The following CCL28 variants were observed in gnomAD, a reference collection of about 807,000 sequenced individuals.
The protein encoded by CCL28 is C-C motif chemokine ligand 28.
A neutral mutation model predicts 7.1 loss-of-function variants in CCL28; 4 were observed. The ratio of observed to expected loss-of-function variants is 0.56; its 90% CI spans 0.28 to 1.29. The LOEUF (loss-of-function observed/expected upper bound fraction) is 1.29. Ranked by LOEUF, CCL28 falls within the 50% of genes most tolerant of loss-of-function variation. The pLI, the probability that CCL28 is intolerant of heterozygous loss-of-function variation, is 0.11. For synonymous variants in CCL28, 55 were observed against 57.8 expected (o/e 0.95, Z 0.22); for missense variants, 151 against 163.4 (o/e 0.92, Z 0.41).
At chr5:43,400,383 A>G (rs1740979907) in intron 1 of CCL28, among the ~76,000 whole-genome samples, 1 of 151,598 alleles carries the variant, frequency 6.6e-6, no homozygotes, top group African/African-American at 2.4e-5. Flanking sequence ...GTGGGGTCTC[A>G]CTCTATTGCT....
At chr5:43,395,529 T>C (rs1253401614) in intron 1 of CCL28, among the ~76,000 whole-genome samples, 2 of 151,970 alleles carry the variant, frequency 1.3e-5, no homozygotes, top group Admixed American at 1.3e-4. Context: ...ATTTAAAAGA[T>C]TAGCCAGGCG....
chr5:43,364,331 ATG>A, the CCL28 span, among the ~76,000 whole-genome samples: 5 of 151,644 alleles, frequency 3.3e-5, no homozygotes, highest in African/African-American at 1.2e-4. Flanking sequence ...GTACATGTAC[ATG>A]TGTGTGTATG....
In CCL28 at chr5:43,380,949, G is replaced by T. The variant is rs150955411; in HGVS notation, c.*911C>A. ...GAGTGAAAAAAAAACTACATAAAAT[G>T]CTCTCTAAATAGTTGGGAAAATTTG... On this transcript the variant is annotated 3_prime_UTR_variant, in exon 3 of 3. Transcript: ENST00000361115. 2 of 151,800 alleles carry T rather than the reference G, an allele frequency of 1.3e-5. No individual in the cohort carries two copies. 9.4% of individuals were successfully genotyped at this position (151,800 alleles called of 1,614,324 possible).
the CCL28 span, among the ~76,000 whole-genome samples, chr5:43,360,975 C>G: frequency 6.6e-6 from 1 of 152,084 alleles, no homozygotes. Context: ...CTCATGCTCT[C>G]CCTCCCCTGG....
the CCL28 span, among the ~76,000 whole-genome samples, chr5:43,371,281 G>C: frequency 6.6e-6 from 1 of 152,032 alleles, no homozygotes; most frequent in Non-Finnish European, 1.5e-5. Context: ...TAGTTTCACC[G>C]GTTTTTGTAC....
In CCL28 at chr5:43,405,200, T is replaced by G. The variant is rs149307311; in HGVS notation, c.64+7053A>C. Among the ~76,000 whole-genome samples, 66 of 152,328 alleles carry G rather than the reference T, an allele frequency of 4.3e-4. 1 individual carries two copies. Among genetic ancestry groups the G allele is most frequent in the African/African-American group, 1.3e-3 (56 of 41,580 alleles). ...CTCTCCACCCCAAATCAACAGAATA[T>G]ACGTTCTTCTTAGCATCACATTGCA... On this transcript the variant is annotated intron_variant, in intron 1 of 2. Transcript: ENST00000361115.
chr5:43,362,741 C>G, the CCL28 span, among the ~76,000 whole-genome samples: 3 of 152,246 alleles, frequency 2.0e-5, no homozygotes, highest in South Asian at 4.1e-4. Context: ...TTTTAACATT[C>G]GATTTGGAGA....
At chr5:43,376,825 G>C (rs1397360468), downstream of CCL28, 1 of 152,212 alleles carries the variant, frequency 6.6e-6, no homozygotes, top group Non-Finnish European at 1.5e-5. Flanking sequence ...ATTCTTTGAT[G>C]ATTTAGCTTC....
intron 2 of CCL28, among the ~76,000 whole-genome samples, chr5:43,384,418 G>C (rs766561120): frequency 1.4e-4 from 21 of 152,330 alleles, no homozygotes; most frequent in Middle Eastern, 3.4e-3. Context: ...TGATGTTTTA[G>C]AATCCTAAAG....
At chr5:43,359,793 T>A in the CCL28 span, among the ~76,000 whole-genome samples, 1 of 152,222 alleles carries the variant, frequency 6.6e-6, no homozygotes, top group Admixed American at 6.5e-5. Context: ...TGAGATTTTT[T>A]TCAGACTTTT....
chr5:43,367,841 GTTTTA>G, the CCL28 span, among the ~76,000 whole-genome samples: 1 of 152,234 alleles, frequency 6.6e-6, no homozygotes, highest in Non-Finnish European at 1.5e-5. Flanking sequence ...ACCAATGTAT[GTTTTA>G]TATAGGAATT....
the CCL28 span, among the ~76,000 whole-genome samples, chr5:43,368,041 C>T: frequency 6.6e-6 from 1 of 152,170 alleles, no homozygotes; most frequent in Non-Finnish European, 1.5e-5. Context: ...CAGGCTTTAA[C>T]ACCAGACAGA....
At position 43,395,855 on chromosome 5, in the gene CCL28, C is replaced by CTTT. The variant is rs35785846; in HGVS notation, c.65-7382_65-7380dup. Reference sequence around the variant, plus strand: ...GGACTATTCATGCCTTACCCCCCGCCTTTTTTTTTTTTTTTTTTTTTTTTG... The same window carrying CTTT: ...GGACTATTCATGCCTTACCCCCCGCCTTTTTTTTTTTTTTTTTTTTTTTTTTTG... On this transcript the variant is annotated intron_variant, in intron 1 of 2. Coordinates refer to ENST00000361115, the MANE Select transcript of CCL28 (RefSeq NM_148672.3). Among the ~76,000 whole-genome samples, 379 of 94,212 alleles carry CTTT rather than the reference C, an allele frequency of 4.0e-3. 2 individuals carry two copies. Among genetic ancestry groups the CTTT allele is most frequent in the African/African-American group, 5.1e-3 (122 of 24,032 alleles). The allele number at this position is 94,212 out of a possible 152,430, so 61.8% of individuals were successfully genotyped here. A position where few individuals can be genotyped will look rare whatever the true frequency, so the allele number is the denominator to read the frequency against.
chr5:43,393,345 C>T (rs1740659820), intron 1 of CCL28, among the ~76,000 whole-genome samples: 1 of 148,328 alleles, frequency 6.7e-6, no homozygotes, highest in Non-Finnish European at 1.5e-5. Flanking sequence ...CCCTTTCTTC[C>T]GTTTTTTTTT....
At chr5:43,392,303 G>C (rs1740606887) in intron 1 of CCL28, among the ~76,000 whole-genome samples, 1 of 152,058 alleles carries the variant, frequency 6.6e-6, no homozygotes, top group Admixed American at 6.5e-5. Flanking sequence ...TTTTAGTAGA[G>C]ACGGGGTTTC....
At chr5:43,388,501 G>T in intron 1 of CCL28, 25 bp from the exon 2 acceptor site, 1 of 1,610,114 alleles carries the variant, frequency 6.2e-7, no homozygotes. Flanking sequence ...GAAAGAAAAT[G>T]TTAAATTTTA....
chr5:43,375,433 C>CACCCATCA (rs1249839262), downstream of CCL28, among the ~76,000 whole-genome samples: 2 of 111,908 alleles, frequency 1.8e-5, no homozygotes, highest in Non-Finnish European at 3.5e-5. Flanking sequence ...GAAACAGAAG[C>CACCCATCA]ACCCATCAGA....
chr5:43,362,478 AT>A, the CCL28 span, among the ~76,000 whole-genome samples: 1 of 152,116 alleles, frequency 6.6e-6, no homozygotes, highest in Non-Finnish European at 1.5e-5. Context: ...TACAAATATT[AT>A]TTACCCCATA....
At chr5:43,367,486 G>A in the CCL28 span, among the ~76,000 whole-genome samples, 62 of 152,298 alleles carry the variant, frequency 4.1e-4, no homozygotes, top group Non-Finnish European at 8.1e-4. Flanking sequence ...GCTAGGGAAG[G>A]GAGTTCCCCA....
Sources: gnomAD v4.1 joint callset for allele counts (sites outside exome capture counted in the v4.1 genomes callset) on GRCh38, gnomAD v4.1.1 for gene constraint, MANE v1.5 for transcripts, NCBI Gene and HGNC (gene_info 2026-07-23, HGNC 2026-07-21) for gene names.